Variants in ADK observed in about 807,000 individuals in gnomAD.
ADK encodes the protein N6,N6-dimethyladenosine kinase.
A neutral mutation model predicts 44.7 loss-of-function variants in ADK; 24 were observed. The ratio of observed to expected loss-of-function variants is 0.54; its 90% CI spans 0.39 to 0.76. The LOEUF is 0.76. ADK is among the 30% of genes least tolerant of loss of function. The probability of loss-of-function intolerance (pLI) is 0.00; values close to 1 mark genes in which losing one functional copy is unlikely to be tolerated. For synonymous variants in ADK, 128 were observed against 142.6 expected (o/e 0.90, Z 0.73); for missense variants, 321 against 425.1 (o/e 0.76, Z 2.15).
At chr10:74,471,136 A>G (rs994483621) in intron 6 of ADK, among the ~76,000 whole-genome samples, 1 of 148,078 alleles carries the variant, frequency 6.8e-6, no homozygotes, top group South Asian at 2.1e-4. Flanking sequence ...GTGCAGTGGT[A>G]TGATCTCTGC....
At chr10:74,395,623 A>G (rs1169193707) in intron 5 of ADK, among the ~76,000 whole-genome samples, 1 of 152,224 alleles carries the variant, frequency 6.6e-6, no homozygotes. Flanking sequence ...CTGTAGGTGC[A>G]AAGTTTTCCC....
At chr10:74,582,308 C>T (rs560127326) in intron 7 of ADK, among the ~76,000 whole-genome samples, 55 of 149,242 alleles carry the variant, frequency 3.7e-4, no homozygotes, top group Non-Finnish European at 6.9e-4. Flanking sequence ...GAGACCCAAT[C>T]TCAAAAAAAA....
intron 4 of ADK, among the ~76,000 whole-genome samples, chr10:74,350,306 C>G (rs1190381157): frequency 6.6e-6 from 1 of 152,126 alleles, no homozygotes; most frequent in East Asian, 1.9e-4. Flanking sequence ...CAACCTGCTC[C>G]TGAATGAATA....
At chr10:74,293,360 G>T (rs556318622) in intron 3 of ADK, among the ~76,000 whole-genome samples, 4 of 152,160 alleles carry the variant, frequency 2.6e-5, no homozygotes, top group Non-Finnish European at 5.9e-5. Context: ...AATGAAACAT[G>T]AGTGGGGTTT....
rs1192200935 is a variant in ADK at position 74,515,027 on chromosome 10, T to C, written c.556-10229T>C. 3.3e-5 allele frequency among the ~76,000 whole-genome samples: 5 copies of C among 152,196 alleles called. No homozygotes were observed. The South Asian group carries it at 8.3e-4, about 25-fold the overall frequency. ...TTTTAGTAGAGACAGGGTTTCACCATGTTGCCCAGGCTTTTTCTTGCTTTT... is the reference window on the plus strand; with the variant it reads ...TTTTAGTAGAGACAGGGTTTCACCACGTTGCCCAGGCTTTTTCTTGCTTTT... On this transcript the variant is annotated intron_variant, in intron 6 of 10. Coordinates refer to ENST00000539909, the MANE Select transcript of ADK (RefSeq NM_006721.4).
At chr10:74,703,612 C>T (rs2131793006) in intron 10 of ADK, among the ~76,000 whole-genome samples, 1 of 152,054 alleles carries the variant, frequency 6.6e-6, no homozygotes, top group Middle Eastern at 3.4e-3. Flanking sequence ...ATAAAGATAC[C>T]ACAGTTAAAT....
At chr10:74,238,025 C>T (rs1274075964) in intron 3 of ADK, among the ~76,000 whole-genome samples, 1 of 152,066 alleles carries the variant, frequency 6.6e-6, no homozygotes, top group Non-Finnish European at 1.5e-5. Flanking sequence ...ACCCAGGAGG[C>T]GGAGGTCATG....
intron 3 of ADK, among the ~76,000 whole-genome samples, chr10:74,246,461 G>A (rs1845418816): frequency 6.6e-6 from 1 of 152,226 alleles, no homozygotes; most frequent in African/African-American, 2.4e-5. Context: ...AAGGGCTGAA[G>A]AAAGCAGATT....
intron 9 of ADK, among the ~76,000 whole-genome samples, chr10:74,654,174 T>C (rs1854390867): frequency 6.6e-6 from 1 of 152,236 alleles, no homozygotes; most frequent in Non-Finnish European, 1.5e-5. Context: ...CCTATCCATT[T>C]TGAAAATCTT....
chr10:74,384,481 C>G (rs1843077065), intron 4 of ADK, among the ~76,000 whole-genome samples: 1 of 152,006 alleles, frequency 6.6e-6, no homozygotes, highest in Non-Finnish European at 1.5e-5. Context: ...ACCAGCCTGG[C>G]CAACATGGTG....
At chr10:74,199,363 T>G (rs1843287158) in intron 1 of ADK, among the ~76,000 whole-genome samples, 1 of 152,214 alleles carries the variant, frequency 6.6e-6, no homozygotes, top group South Asian at 2.1e-4. Flanking sequence ...TTTTGGAATC[T>G]CCAGTGTCTT....
At chr10:74,647,148 G>A (rs1012645347) in intron 9 of ADK, among the ~76,000 whole-genome samples, 3 of 150,732 alleles carry the variant, frequency 2.0e-5, no homozygotes, top group African/African-American at 7.3e-5. Context: ...TCACTAATTA[G>A]TCTGTATTTA....
intron 4 of ADK, among the ~76,000 whole-genome samples, chr10:74,384,977 G>A (rs1288621713): frequency 6.6e-6 from 1 of 152,174 alleles, no homozygotes; most frequent in Non-Finnish European, 1.5e-5. Flanking sequence ...CAGAACTAAA[G>A]GCAGGGAGAT....
chr10:74,509,290 T>G (rs1848208900), intron 6 of ADK: 1 of 152,208 alleles, frequency 6.6e-6, no homozygotes, highest in African/African-American at 2.4e-5. Context: ...CCCCCTGGGT[T>G]CAAGCGATTC....
intron 3 of ADK, among the ~76,000 whole-genome samples, chr10:74,241,431 G>A (rs1413748699): frequency 1.3e-5 from 2 of 152,296 alleles, no homozygotes; most frequent in East Asian, 3.9e-4. Context: ...TGTTGCCCAG[G>A]CTGGAGTGCA....
chr10:74,242,774 T>C (rs1845268361), intron 3 of ADK, among the ~76,000 whole-genome samples: 1 of 152,204 alleles, frequency 6.6e-6, no homozygotes, highest in South Asian at 2.1e-4. Flanking sequence ...CCTGTGCCTG[T>C]AAAGCCCCGG....
chr10:74,482,313 A>G (rs760551107), intron 6 of ADK, among the ~76,000 whole-genome samples: 1 of 152,140 alleles, frequency 6.6e-6, no homozygotes, highest in Non-Finnish European at 1.5e-5. Flanking sequence ...CACACTGTTA[A>G]ACAACTATAG....
intron 7 of ADK, among the ~76,000 whole-genome samples, chr10:74,569,782 A>T (rs541865675): frequency 6.6e-5 from 10 of 152,252 alleles, no homozygotes; most frequent in Non-Finnish European, 1.5e-4. Context: ...GCTTAATCAG[A>T]TCCCATTTGT....
At chr10:74,589,501 C>T (rs1851644847) in intron 8 of ADK, among the ~76,000 whole-genome samples, 184 bp downstream of exon 8, 1 of 152,120 alleles carries the variant, frequency 6.6e-6, no homozygotes. Context: ...ACGCACTCTG[C>T]TAGGTCTGCA....
Sources: allele counts gnomAD v4.1 joint callset (sites outside exome capture counted in the v4.1 genomes callset), GRCh38; gene constraint gnomAD v4.1.1; transcripts MANE v1.5; gene names NCBI Gene and HGNC (gene_info 2026-07-23, HGNC 2026-07-21).